The following EYS variants were observed in gnomAD, a reference collection of about 807,000 sequenced individuals.
EYS encodes the protein EGF-like photoreceptor maintenance factor, also known as protein eyes shut homolog.
Under a neutral mutation model 282.1 loss-of-function variants are expected in EYS, and 250 were observed. The observed-to-expected ratio is 0.89, with a 90% CI of 0.80 to 0.98. The LOEUF (loss-of-function observed/expected upper bound fraction) is 0.98, where lower values mean the gene tolerates loss of function less well. EYS is among the 50% of genes least tolerant of loss of function. The pLI is 0.00. For synonymous variants in EYS, 1,355 were observed against 1,282.9 expected (o/e 1.06, Z -1.20); for missense variants, 4,016 against 3,709.0 (o/e 1.08, Z -2.15).
Position 65,351,624 on chromosome 6 carries a change from T to A in EYS, c.1459+1834A>T, listed in dbSNP as rs1322515932. On this transcript the variant is annotated intron_variant, in intron 9 of 42. Coordinates refer to ENST00000503581, the MANE Select transcript of EYS (RefSeq NM_001142800.2). ...TATAGTTCTCAAAAGAAGTTTAATA[T>A]TTAAAAATAACCAAACATATGAAAG... Among the ~76,000 whole-genome samples the A allele has an allele frequency of 5.3e-5, 8 of 151,898 alleles. No homozygotes were observed. In the Middle Eastern group the frequency reaches 0.014, roughly 258 times the overall value.
intron 12 of EYS, among the ~76,000 whole-genome samples, chr6:65,229,829 T>A (rs137915892): frequency 2.0e-5 from 3 of 152,110 alleles, no homozygotes; most frequent in African/African-American, 7.2e-5. Flanking sequence ...AGATGTTGCA[T>A]TTACTGCAAG....
At chr6:63,990,911 G>A (rs944022647) in intron 34 of EYS, among the ~76,000 whole-genome samples, 17 of 151,748 alleles carry the variant, frequency 1.1e-4, no homozygotes, top group African/African-American at 4.1e-4. Context: ...AGGAGGGAGT[G>A]GGTGAAAGAG....
intron 31 of EYS, among the ~76,000 whole-genome samples, chr6:64,120,714 T>C (rs1037976106): frequency 6.6e-6 from 1 of 152,280 alleles, no homozygotes; most frequent in South Asian, 2.1e-4. Context: ...GAACATACTA[T>C]TATAGGTAGT....
chr6:64,551,203 C>T (rs997547430), intron 26 of EYS, among the ~76,000 whole-genome samples: 23 of 147,712 alleles, frequency 1.6e-4, no homozygotes, highest in Admixed American at 1.2e-3. Flanking sequence ...TATATACACA[C>T]ATATATATAT....
chr6:64,095,576 C>A (rs1334124490), intron 31 of EYS, among the ~76,000 whole-genome samples: 1 of 152,052 alleles, frequency 6.6e-6, no homozygotes, highest in African/African-American at 2.4e-5. Flanking sequence ...AGGATTGCAA[C>A]CCCTGCCGTT....
chr6:64,577,643 G>A, intron 26 of EYS, among the ~76,000 whole-genome samples: 1 of 152,044 alleles, frequency 6.6e-6, no homozygotes, highest in Admixed American at 6.6e-5. Flanking sequence ...TTCCAAGAAT[G>A]AGTATAGATG....
intron 13 of EYS, among the ~76,000 whole-genome samples, chr6:65,043,165 A>C (rs1165158581): frequency 6.6e-6 from 1 of 151,626 alleles, no homozygotes; most frequent in East Asian, 1.9e-4. Context: ...TCAATGATTA[A>C]ATTGAGCTAA....
chr6:64,385,657 T>C (rs1022919818), intron 29 of EYS, among the ~76,000 whole-genome samples: 1 of 152,204 alleles, frequency 6.6e-6, no homozygotes, highest in Admixed American at 6.5e-5. Context: ...ATCATCTTTC[T>C]GCAATTTCAA....
chr6:64,268,785 A>C (rs560310710), intron 30 of EYS, among the ~76,000 whole-genome samples: 1 of 152,210 alleles, frequency 6.6e-6, no homozygotes, highest in African/African-American at 2.4e-5. Context: ...GGGAGGGGGC[A>C]GTGTTATAGG....
At chr6:64,992,073 C>A (rs986845893) in intron 14 of EYS, among the ~76,000 whole-genome samples, 1 of 151,742 alleles carries the variant, frequency 6.6e-6, no homozygotes, top group East Asian at 1.9e-4. Flanking sequence ...ATTTTAAGCA[C>A]GTGTCTTTTC....
At chr6:65,443,139 A>G (rs1768443301) in intron 5 of EYS, among the ~76,000 whole-genome samples, 2 of 151,744 alleles carry the variant, frequency 1.3e-5, no homozygotes, top group African/African-American at 4.8e-5. Flanking sequence ...CATCATACAT[A>G]TATGTACACA....
intron 30 of EYS, among the ~76,000 whole-genome samples, chr6:64,282,691 G>A (rs1307994357): frequency 6.6e-6 from 1 of 151,972 alleles, no homozygotes; most frequent in African/African-American, 2.4e-5. Flanking sequence ...GCAATTTTTT[G>A]GTAAACCATA....
At chr6:63,887,975 A>G (rs565342419) in intron 35 of EYS, among the ~76,000 whole-genome samples, 1 of 152,262 alleles carries the variant, frequency 6.6e-6, no homozygotes, top group Non-Finnish European at 1.5e-5. Context: ...GGCATTTGCC[A>G]TTACTGAAGC....
intron 11 of EYS, among the ~76,000 whole-genome samples, chr6:65,324,355 G>T (rs569452825): frequency 2.6e-5 from 4 of 152,134 alleles, no homozygotes; most frequent in African/African-American, 9.7e-5. Context: ...AGGAAAATTT[G>T]TTAATGAATG....
rs1252575967 is a variant in EYS at position 64,945,864 on chromosome 6, T to G, written c.2310A>C (p.Gln770His). 1.3e-6 allele frequency: 2 copies of G among 1,549,310 alleles called. No individual in the cohort carries two copies. Among genetic ancestry groups the G allele is most frequent in the Non-Finnish European group, 1.7e-6 (2 of 1,145,392 alleles). ...GATTCATTTTACACTCATTGGATTC[T>G]TGTTCACAAAAATTTCCTTCCCAAT... Reference protein sequence around the residue: ...LSDWEGNFCEQESNECKMNPC... With the variant: ...LSDWEGNFCEHESNECKMNPC... The change falls in exon 15 of 43, where the codon CAA (glutamine) becomes CAC (histidine). Residue 770 changes from glutamine to histidine, a missense_variant. Gln to His is a conservative substitution (Grantham distance 24). Coordinates refer to ENST00000503581, the MANE Select transcript of EYS (RefSeq NM_001142800.2).
intron 13 of EYS, among the ~76,000 whole-genome samples, chr6:65,040,388 T>G (rs1479694412): frequency 6.6e-6 from 1 of 151,716 alleles, no homozygotes; most frequent in Admixed American, 6.6e-5. Flanking sequence ...TGCTTTCATC[T>G]TCATATGGAG....
intron 18 of EYS, among the ~76,000 whole-genome samples, chr6:64,893,919 T>C (rs972406550): frequency 3.3e-5 from 5 of 152,012 alleles, no homozygotes; most frequent in African/African-American, 1.2e-4. Flanking sequence ...TATATATGTA[T>C]GAAACTCCTA....
intron 29 of EYS, among the ~76,000 whole-genome samples, chr6:64,368,102 C>T (rs62418086): frequency 3.5e-4 from 53 of 152,164 alleles, no homozygotes; most frequent in Non-Finnish European, 5.7e-4. Flanking sequence ...TGCCACCCTC[C>T]GCCTTCAAGT....
At chr6:64,294,744 A>G (rs915146352) in intron 30 of EYS, among the ~76,000 whole-genome samples, 1 of 152,216 alleles carries the variant, frequency 6.6e-6, no homozygotes, top group Non-Finnish European at 1.5e-5. Context: ...TATGATACAA[A>G]TAGTGGCACC....
Sources: gnomAD v4.1 joint callset for allele counts (sites outside exome capture counted in the v4.1 genomes callset) on GRCh38, gnomAD v4.1.1 for gene constraint, MANE v1.5 for transcripts, NCBI Gene and HGNC (gene_info 2026-07-23, HGNC 2026-07-21) for gene names.